NUP62CL: variants seen among roughly 807,000 people sequenced by gnomAD.
NUP62CL encodes the protein nucleoporin-62 C-terminal-like protein.
In NUP62CL, 13 loss-of-function variants were observed where a neutral mutation model predicts 15.3. The observed-to-expected ratio is 0.85, with a 90% CI of 0.55 to 1.35. The LOEUF is 1.35. Ranked by LOEUF, NUP62CL falls within the 40% of genes most tolerant of loss-of-function variation. The probability of loss-of-function intolerance (pLI) is 0.00; values close to 1 mark genes in which losing one functional copy is unlikely to be tolerated. For synonymous variants in NUP62CL, 54 were observed against 49.2 expected (o/e 1.10, Z -0.41); for missense variants, 123 against 130.6 (o/e 0.94, Z 0.28).
chrX:107,128,641 G>A (rs908817426), intron 8 of NUP62CL, among the ~76,000 whole-genome samples: 28 of 111,775 alleles, frequency 2.5e-4, no homozygotes, highest in African/African-American at 9.1e-4. Flanking sequence ...CTATTAGAAT[G>A]ATGAGCCAAG....
chrX:107,194,897 A>G (rs1390195092), intron 1 of NUP62CL, among the ~76,000 whole-genome samples: 4 of 99,141 alleles, frequency 4.0e-5, no homozygotes, highest in Non-Finnish European at 7.9e-5. Flanking sequence ...GCTCACTGTA[A>G]CCTCCGCGTC....
intron 2 of NUP62CL, among the ~76,000 whole-genome samples, chrX:107,190,639 A>C (rs1927215188): frequency 8.9e-6 from 1 of 111,869 alleles, no homozygotes; most frequent in African/African-American, 3.3e-5. Flanking sequence ...AGAATCTCAA[A>C]ATCAATCTTG....
intron 2 of NUP62CL, among the ~76,000 whole-genome samples, chrX:107,189,760 CAGAG>C (rs1489866224): frequency 9.8e-6 from 1 of 102,126 alleles, no homozygotes; most frequent in Non-Finnish European, 2.0e-5. Flanking sequence ...GTACTCCAGC[CAGAG>C]AGAGAGCGAG....
At chrX:107,165,791 G>C (rs191547812) in intron 4 of NUP62CL, among the ~76,000 whole-genome samples, 1 of 111,454 alleles carries the variant, frequency 9.0e-6, no homozygotes, top group Non-Finnish European at 1.9e-5. Flanking sequence ...AGGTGCAAAA[G>C]CAATTCAGGG....
At chrX:107,142,315 C>G (rs1013637630) in intron 8 of NUP62CL, among the ~76,000 whole-genome samples, 2 of 110,990 alleles carry the variant, frequency 1.8e-5, no homozygotes, top group Admixed American at 9.6e-5. Context: ...GTGTTCATAG[C>G]CATTCAGCTT....
chrX:107,135,698 A>AAAAT (rs1039471635), intron 8 of NUP62CL, among the ~76,000 whole-genome samples: 93 of 111,674 alleles, frequency 8.3e-4, no homozygotes, highest in African/African-American at 2.3e-3. Flanking sequence ...CGCGTTGGCA[A>AAAAT]AAATAAATAA....
chrX:107,154,207 C>A lies in NUP62CL; in HGVS notation c.234G>T (p.Glu78Asp). The A allele has an allele frequency of 8.3e-7, 1 of 1,205,648 alleles. No individual in the cohort carries two copies. Among genetic ancestry groups the A allele is most frequent in the Non-Finnish European group, 1.1e-6 (1 of 891,427 alleles). ...CAAGGTTCCACTCATTTATAAGACC[C>A]TCCAGATGACCATATGTCATCACAG... ...ATPVMTYGHLEGLINEWNLEL... is the reference protein window; with the variant it reads ...ATPVMTYGHLDGLINEWNLEL... Residue 78 changes from glutamate to aspartate, a missense_variant, in exon 5 of 9, where the codon GAG (glutamate) becomes GAT (aspartate). Transcript: ENST00000372466.
intron 2 of NUP62CL, among the ~76,000 whole-genome samples, chrX:107,186,654 G>T (rs918947547): frequency 9.0e-6 from 1 of 111,440 alleles, no homozygotes; most frequent in Non-Finnish European, 1.9e-5. Context: ...ATCCTAGCAC[G>T]TTGGGAGCTG....
At chrX:107,179,894 G>C (rs1455587221) in intron 2 of NUP62CL, among the ~76,000 whole-genome samples, 1 of 111,654 alleles carries the variant, frequency 9.0e-6, no homozygotes, top group Non-Finnish European at 1.9e-5. Flanking sequence ...TTTGTCATAT[G>C]TTGCAATAAT....
At chrX:107,152,121 T>C (rs1168190206) in intron 7 of NUP62CL, among the ~76,000 whole-genome samples, 1 of 44,993 alleles carries the variant, frequency 2.2e-5, no homozygotes, top group African/African-American at 1.0e-4. Context: ...TATTCAGATA[T>C]ATATATATAT....
chrX:107,132,051 T>C (rs1412973616), intron 8 of NUP62CL: 30 of 1,074,005 alleles, frequency 2.8e-5, no homozygotes, highest in South Asian at 3.7e-5. Context: ...CCAACATGAT[T>C]TGTAGCTTTC....
intron 5 of NUP62CL, among the ~76,000 whole-genome samples, chrX:107,153,764 T>C (rs1926105187): frequency 9.0e-6 from 1 of 111,270 alleles, no homozygotes; most frequent in South Asian, 3.8e-4. Flanking sequence ...GCCTAGGAGT[T>C]TGAGACCAGA....
At chrX:107,152,144 A>G (rs1926052930) in intron 7 of NUP62CL, among the ~76,000 whole-genome samples, 1 of 74,077 alleles carries the variant, frequency 1.3e-5, no homozygotes, top group Admixed American at 1.9e-4. Flanking sequence ...AGATATATAT[A>G]TATTCAGATA....
chrX:107,153,226 C>T lies in NUP62CL; in HGVS notation c.476G>A (p.Arg159His), dbSNP rs145959014. Residue 159 changes from arginine to histidine, a missense_variant, in exon 7 of 9, where the codon CGT (arginine) becomes CAT (histidine). By Grantham distance (29) the Arg-to-His change is conservative. Transcript: ENST00000372466. ...CAGATAATGAAGTCCACTCTGGTCACGCGTAGACTCCTCTAAATAAGTCAA... is the reference window on the plus strand; with the variant it reads ...CAGATAATGAAGTCCACTCTGGTCATGCGTAGACTCCTCTAAATAAGTCAA... ...FLLTYLEEST[R>H]DQSGLHYLQD... The T allele has an allele frequency of 5.8e-4, 695 of 1,204,547 alleles. 3 individuals carry two copies. The African/African-American group carries it at 0.011, about 19-fold the overall frequency.
Position 107,150,829 on chromosome X carries a change from C to G in NUP62CL, c.530+2343G>C, listed in dbSNP as rs1292994719. On this transcript the variant is annotated intron_variant, in intron 7 of 8. Transcript: ENST00000372466. Reference sequence around the variant, plus strand: ...CTAATTTCATACTAAATCTTGGTTGCCTAAGTACACAAAGCAGTAAACACA... The same window carrying G: ...CTAATTTCATACTAAATCTTGGTTGGCTAAGTACACAAAGCAGTAAACACA... 5 of 336,858 alleles carry G rather than the reference C, an allele frequency of 1.5e-5. No homozygotes were observed. In the Admixed American group the frequency reaches 1.6e-4, roughly 11 times the overall value. 27.8% of individuals were successfully genotyped at this position (336,858 alleles called of 1,213,427 possible).
At chrX:107,184,730 TACTC>T (rs1339741207) in intron 2 of NUP62CL, among the ~76,000 whole-genome samples, 2 of 111,107 alleles carry the variant, frequency 1.8e-5, no homozygotes, top group African/African-American at 6.5e-5. Context: ...TAAATGAACA[TACTC>T]AAGAAGCAGA....
chrX:107,133,500 GT>G (rs770086746), intron 8 of NUP62CL, among the ~76,000 whole-genome samples: 15 of 110,815 alleles, frequency 1.4e-4, no homozygotes, highest in African/African-American at 4.9e-4. Flanking sequence ...ATGCCTGGCT[GT>G]TTTTTTACAT....
At chrX:107,127,038 A>C (rs1925403661) in intron 8 of NUP62CL, among the ~76,000 whole-genome samples, 1 of 111,611 alleles carries the variant, frequency 9.0e-6, no homozygotes, top group African/African-American at 3.3e-5. Context: ...GTCTCAAAAA[A>C]AAAAAACCAA....
chrX:107,202,593 G>C (rs1416475771), intron 1 of NUP62CL: 1 of 106,169 alleles, frequency 9.4e-6, no homozygotes, highest in East Asian at 3.0e-4. Flanking sequence ...TCTGACTACA[G>C]TGGTATTTAT....
Sources: gnomAD v4.1 joint callset for allele counts (sites outside exome capture counted in the v4.1 genomes callset) on GRCh38, gnomAD v4.1.1 for gene constraint, MANE v1.5 for transcripts, NCBI Gene and HGNC (gene_info 2026-07-23, HGNC 2026-07-21) for gene names.